The following SPIDR variants were observed in gnomAD, a reference collection of about 807,000 sequenced individuals.
The protein encoded by SPIDR is scaffold protein involved in DNA repair, also known as DNA repair-scaffolding protein.
SPIDR carries 93 observed loss-of-function variants against 104.6 expected under a neutral mutation model. That is an observed-to-expected ratio of 0.89 (90% CI 0.75 to 1.06). SPIDR has a LOEUF of 1.06. SPIDR is among the 50% of genes least tolerant of loss of function. The pLI, the probability that SPIDR is intolerant of heterozygous loss-of-function variation, is 0.00. For missense variants in SPIDR, 1,154 were observed against 1,111.2 expected, an observed-to-expected ratio of 1.04 and a Z score of -0.55; for synonymous variants, 431 against 416.9, an observed-to-expected ratio of 1.03 and a Z score of -0.41.
chr8:47,413,867 C>A (rs1185716724), intron 7 of SPIDR, among the ~76,000 whole-genome samples: 20 of 152,108 alleles, frequency 1.3e-4, no homozygotes, highest in African/African-American at 4.6e-4. Context: ...ATGACTAAGG[C>A]CAGATTTGAA....
chr8:47,731,634 G>A (rs2085254692), intron 19 of SPIDR, among the ~76,000 whole-genome samples: 1 of 152,254 alleles, frequency 6.6e-6, no homozygotes, highest in African/African-American at 2.4e-5. Context: ...AGCCCAAGGA[G>A]CATAATGGGG....
chr8:47,544,573 G>T lies in SPIDR; in HGVS notation c.1098-51238G>T, dbSNP rs543024658. Among the ~76,000 whole-genome samples, 11 of 152,098 alleles carry T rather than the reference G, an allele frequency of 7.2e-5. 1 individual carries two copies. Among genetic ancestry groups the T allele is most frequent in the Admixed American group, 5.9e-4 (9 of 15,280 alleles). ...TGGTTTTTCTGTTTTTTGCCTGTGG[G>T]TGTCCAATTTCTCCACCATTTGTTG... On this transcript the variant is annotated intron_variant, in intron 8 of 19. Coordinates refer to ENST00000297423, the MANE Select transcript of SPIDR (RefSeq NM_001080394.4).
At chr8:47,314,058 G>A (rs1201871829) in intron 5 of SPIDR, among the ~76,000 whole-genome samples, 13 of 152,154 alleles carry the variant, frequency 8.5e-5, no homozygotes, top group African/African-American at 3.1e-4. Context: ...ATACAGTTGT[G>A]ACTGTTTAAA....
chr8:47,636,105 G>A (rs756947369), intron 10 of SPIDR, among the ~76,000 whole-genome samples: 2 of 152,122 alleles, frequency 1.3e-5, no homozygotes, highest in South Asian at 2.1e-4. Flanking sequence ...AACAGCATGT[G>A]TTCACCTCAT....
At chr8:47,294,195 C>A in intron 5 of SPIDR, 165 bp downstream of exon 5, 1 of 834,494 alleles carries the variant, frequency 1.2e-6, no homozygotes, top group Non-Finnish European at 1.8e-6. Flanking sequence ...AAATAACATG[C>A]TTGTGCTGTA....
chr8:47,497,514 A>G (rs2079631070), intron 8 of SPIDR, among the ~76,000 whole-genome samples: 1 of 152,080 alleles, frequency 6.6e-6, no homozygotes, highest in Non-Finnish European at 1.5e-5. Context: ...GAATTTTCCA[A>G]ATTTCTTAGT....
intron 5 of SPIDR, among the ~76,000 whole-genome samples, chr8:47,347,286 A>G (rs552682332): frequency 1.3e-5 from 2 of 152,220 alleles, no homozygotes; most frequent in East Asian, 1.9e-4. Context: ...CTGAGATCTA[A>G]CTTGATTGCA....
At chr8:47,409,415 T>C (rs1410613769) in intron 7 of SPIDR, among the ~76,000 whole-genome samples, 1 of 152,148 alleles carries the variant, frequency 6.6e-6, no homozygotes, top group Non-Finnish European at 1.5e-5. Flanking sequence ...CCTCTCCTCC[T>C]AAACAGTGCT....
At chr8:47,437,354 T>C (rs1409013430) in intron 7 of SPIDR, among the ~76,000 whole-genome samples, 1 of 151,792 alleles carries the variant, frequency 6.6e-6, no homozygotes, top group African/African-American at 2.4e-5. Flanking sequence ...TTTGGTTTTT[T>C]GTTCTTGCGA....
At chr8:47,516,131 A>C (rs1302712080) in intron 8 of SPIDR, among the ~76,000 whole-genome samples, 6 of 152,192 alleles carry the variant, frequency 3.9e-5, no homozygotes, top group Non-Finnish European at 7.4e-5. Context: ...TTAAGACACA[A>C]AGTCTGCCTT....
chr8:47,397,307 C>A (rs962643094), intron 6 of SPIDR, among the ~76,000 whole-genome samples: 2 of 152,070 alleles, frequency 1.3e-5, no homozygotes, highest in East Asian at 1.9e-4. Context: ...ACCAGCCTGG[C>A]CAACATGGTG....
At chr8:47,453,536 A>C (rs2072315268) in intron 8 of SPIDR, among the ~76,000 whole-genome samples, 1 of 152,222 alleles carries the variant, frequency 6.6e-6, no homozygotes, top group Non-Finnish European at 1.5e-5. Context: ...CCAATGGAAC[A>C]GAACAGAGCC....
intron 7 of SPIDR, among the ~76,000 whole-genome samples, chr8:47,412,367 T>C: frequency 6.6e-6 from 1 of 152,212 alleles, no homozygotes; most frequent in East Asian, 1.9e-4. Context: ...AAAAAGAATT[T>C]AATGGGACTT....
At chr8:47,281,948 C>T (rs948868683) in intron 2 of SPIDR, among the ~76,000 whole-genome samples, 9 of 152,172 alleles carry the variant, frequency 5.9e-5, no homozygotes, top group African/African-American at 2.2e-4. Flanking sequence ...ACCCCATGAT[C>T]CATAGTCTGC....
chr8:47,430,540 C>G (rs1418240595), intron 7 of SPIDR, among the ~76,000 whole-genome samples: 2 of 152,140 alleles, frequency 1.3e-5, no homozygotes, highest in Non-Finnish European at 2.9e-5. Context: ...TTTCAACTCT[C>G]TGTGCTACAG....
At chr8:47,463,541 T>C (rs2074286732) in intron 8 of SPIDR, among the ~76,000 whole-genome samples, 1 of 151,822 alleles carries the variant, frequency 6.6e-6, no homozygotes, top group Admixed American at 6.6e-5. Flanking sequence ...AGCATTACCC[T>C]GTTAAAAAAA....
At chr8:47,282,130 C>T (rs2037917605) in intron 2 of SPIDR, among the ~76,000 whole-genome samples, 1 of 152,206 alleles carries the variant, frequency 6.6e-6, no homozygotes. Context: ...GTAAAGAATG[C>T]TGTAAAGAGA....
chr8:47,439,110 A>G (rs951683812), intron 7 of SPIDR, among the ~76,000 whole-genome samples: 2 of 152,182 alleles, frequency 1.3e-5, no homozygotes, highest in Admixed American at 6.5e-5. Context: ...ACACATAAGC[A>G]TGCTCACTGC....
chr8:47,583,201 G>A (rs899756808), intron 8 of SPIDR, among the ~76,000 whole-genome samples: 4 of 151,580 alleles, frequency 2.6e-5, no homozygotes, highest in African/African-American at 9.7e-5. Context: ...AGCTACTTGG[G>A]AGGCTGAGGC....
Sources: gnomAD v4.1 joint callset for allele counts (sites outside exome capture counted in the v4.1 genomes callset) on GRCh38, gnomAD v4.1.1 for gene constraint, MANE v1.5 for transcripts, NCBI Gene and HGNC (gene_info 2026-07-23, HGNC 2026-07-21) for gene names.